The following DEXI variants were observed in gnomAD, a reference collection of about 807,000 sequenced individuals.
DEXI encodes Dexi homolog.
In DEXI, 2 loss-of-function variants were observed where a neutral mutation model predicts 2.5. The observed-to-expected ratio is 0.81, with a 90% CI of 0.33 to 2.55. DEXI has a LOEUF of 2.55. DEXI is among the 30% of genes most tolerant of loss of function. The pLI, the probability that DEXI is intolerant of heterozygous loss-of-function variation, is 0.11. For missense variants in DEXI, 108 were observed against 130.3 expected (o/e 0.83, Z 0.83); for synonymous variants, 71 against 68.7 (o/e 1.03, Z -0.17).
rs190916651 is a variant in DEXI at position 10,929,393 on chromosome 16, C to A, written c.*316G>T. 5.1e-6 allele frequency: 5 copies of A among 985,764 alleles called. No homozygotes were observed. Among genetic ancestry groups the A allele is most frequent in the South Asian group, 9.4e-5 (2 of 21,290 alleles). The allele number at this position is 985,764 out of a possible 1,614,324, so 61.1% of individuals were successfully genotyped here. A position where few individuals can be genotyped will look rare whatever the true frequency, so the allele number is the denominator to read the frequency against. On this transcript the variant is annotated 3_prime_UTR_variant, in exon 2 of 2. Coordinates refer to ENST00000331808, the MANE Select transcript of DEXI (RefSeq NM_014015.4). The surrounding 1 kb of genome is among the most constrained non-coding windows in gnomAD (Gnocchi z 4.3). ...TAATCAGAAGCCAAGGCCAGGCCAT[C>A]GATTTGACACTGCAGGCAGATGAGG...
chr16:10,935,620 G>A (rs1445815012), intron 1 of DEXI: 1 of 152,210 alleles, frequency 6.6e-6, no homozygotes, highest in Non-Finnish European at 1.5e-5. Context: ...ACTTGACAGT[G>A]GAGAGACCTG....
Position 10,941,707 on chromosome 16 carries a change from CA to C in DEXI, c.*10del. 6.3e-7 allele frequency: 1 copy of C among 1,596,624 alleles called. No homozygotes were observed. Among genetic ancestry groups the C allele is most frequent in the Non-Finnish European group, 8.5e-7 (1 of 1,170,488 alleles). On this transcript the variant is annotated 3_prime_UTR_variant, in exon 1 of 2. Coordinates refer to ENST00000331808, the MANE Select transcript of DEXI (RefSeq NM_014015.4). The surrounding 1 kb of genome is among the most constrained non-coding windows in gnomAD (Gnocchi z 6.4). ...GATCGTGTAGGGAAGAGGGGAACAG[CA>C]GTCGAGACCCTACTCCAAGTACGCA...
intron 1 of DEXI, chr16:10,936,973 A>G (rs2041037226): frequency 6.6e-6 from 1 of 152,254 alleles, no homozygotes; most frequent in Non-Finnish European, 1.5e-5. Context: ...TCACTTTCTT[A>G]GTTCGGCAAA....
chr16:10,930,671 T>C (rs1332814966), intron 1 of DEXI: 3 of 152,208 alleles, frequency 2.0e-5, no homozygotes, highest in African/African-American at 7.2e-5. Context: ...GCAGGTACCA[T>C]TTCCTGAGCT....
chr16:10,935,334 C>T (rs1487984910), intron 1 of DEXI: 1 of 152,202 alleles, frequency 6.6e-6, no homozygotes, highest in East Asian at 1.9e-4. Context: ...CAGTTTGGTG[C>T]TGGTATATCT....
Position 10,929,260 on chromosome 16 carries a change from G to A in DEXI, c.*449C>T. The stretch of plus-strand genomic sequence containing the variant: ...TCGCTTTTGCGTGTGTCCGCAGTTT[G>A]AAGTGTCCTCTCCGAAGGTGAAGTG... On this transcript the variant is annotated 3_prime_UTR_variant, in exon 2 of 2. Transcript: ENST00000331808. This position sits in a 1 kb window ranked among gnomAD's most constrained non-coding sequence, Gnocchi z 4.3. The A allele has an allele frequency of 1.0e-6, 1 of 985,722 alleles. No individual in the cohort carries two copies. Among genetic ancestry groups the A allele is most frequent in the African/African-American group, 1.7e-5 (1 of 57,362 alleles). 61.1% of individuals were successfully genotyped at this position (985,722 alleles called of 1,614,324 possible).
In DEXI at chr16:10,934,641, G is replaced by A. The variant is rs1047918825; in HGVS notation, c.*150-5082C>T. The A allele has an allele frequency of 3.3e-5, 5 of 152,226 alleles. No homozygotes were observed. Among genetic ancestry groups the A allele is most frequent in the African/African-American group, 1.2e-4 (5 of 41,450 alleles). 9.4% of individuals were successfully genotyped at this position (152,226 alleles called of 1,614,324 possible). On this transcript the variant is annotated intron_variant, in intron 1 of 1. Transcript: ENST00000331808. The surrounding 1 kb of genome is among the most constrained non-coding windows in gnomAD (Gnocchi z 4.2). ...TCTGCAAGCCTCAGTTTCCTCCCTG[G>A]TCTAATGGAACCCTCCTTGGCGGCT...
In DEXI at chr16:10,929,610, A is replaced by T; in HGVS notation, c.*150-51T>A. ...ATTAGCACGGAAGCCCCACCCTGCC[A>T]CCAGGTTGGCTGGGGACAGGGACCA... is the stretch of plus-strand genomic sequence containing the variant. On this transcript the variant is annotated intron_variant, in intron 1 of 1. Coordinates refer to ENST00000331808, the MANE Select transcript of DEXI (RefSeq NM_014015.4). This position sits in a 1 kb window ranked among gnomAD's most constrained non-coding sequence, Gnocchi z 4.3. The T allele has an allele frequency of 1.5e-5, 15 of 976,584 alleles. No individual in the cohort carries two copies. Among genetic ancestry groups the T allele is most frequent in the Non-Finnish European group, 1.8e-5 (15 of 821,940 alleles). 60.5% of individuals were successfully genotyped at this position (976,584 alleles called of 1,614,324 possible).
chr16:10,937,294 G>C lies in DEXI; in HGVS notation c.*149+4275C>G, dbSNP rs1430876246. On this transcript the variant is annotated intron_variant, in intron 1 of 1. Coordinates refer to ENST00000331808, the MANE Select transcript of DEXI (RefSeq NM_014015.4). This position sits in a 1 kb window ranked among gnomAD's most constrained non-coding sequence, Gnocchi z 4.2. ...CCACAGCTTCCTGGCCTGGTTTCCT[G>C]CATCCGCCCTGACCCCTGGCTGTGG... 1 of 152,364 alleles carries C rather than the reference G, an allele frequency of 6.6e-6. No homozygotes were observed. Among genetic ancestry groups the C allele is most frequent in the Non-Finnish European group, 1.5e-5 (1 of 68,188 alleles). 9.4% of individuals were successfully genotyped at this position (152,364 alleles called of 1,614,324 possible).
chr16:10,929,499 C>T lies in DEXI; in HGVS notation c.*210G>A, dbSNP rs1214001353. 1.0e-6 allele frequency: 1 copy of T among 985,602 alleles called. No homozygotes were observed. The highest frequency in any genetic ancestry group is 1.7e-5 in the African/African-American group (1 of 57,246). The allele number at this position is 985,602 out of a possible 1,614,324, so 61.1% of individuals were successfully genotyped here. On this transcript the variant is annotated 3_prime_UTR_variant, in exon 2 of 2. Transcript: ENST00000331808. The surrounding 1 kb of genome is among the most constrained non-coding windows in gnomAD (Gnocchi z 4.3). ...CAGCACTCAGTCCCAATCTCTCTTC[C>T]ACTCTCCTGGGTTCAAACAGGAACC...
rs1262597409 is a variant in DEXI at position 10,940,168 on chromosome 16, A to G, written c.*149+1401T>C. ...ACCCCACCCTGTACCACCATCTGCA[A>G]CAGACTCAATGTTTGTGTCTCCTCA... On this transcript the variant is annotated intron_variant, in intron 1 of 1. Coordinates refer to ENST00000331808, the MANE Select transcript of DEXI (RefSeq NM_014015.4). This position sits in a 1 kb window ranked among gnomAD's most constrained non-coding sequence, Gnocchi z 4.2. 1 of 152,268 alleles carries G rather than the reference A, an allele frequency of 6.6e-6. No individual in the cohort carries two copies. The highest frequency in any genetic ancestry group is 1.5e-5 in the Non-Finnish European group (1 of 68,064). 9.4% of individuals were successfully genotyped at this position (152,268 alleles called of 1,614,324 possible).
intron 1 of DEXI, chr16:10,935,284 GT>G (rs1371400939): frequency 6.6e-6 from 1 of 152,244 alleles, no homozygotes; most frequent in African/African-American, 2.4e-5. Context: ...TTGCTTTTCA[GT>G]TTTTGGTCAA....
At chr16:10,936,664 C>T (rs181500031) in intron 1 of DEXI, 1 of 152,288 alleles carries the variant, frequency 6.6e-6, no homozygotes, top group East Asian at 1.9e-4. Context: ...ATGAAATAGG[C>T]CTGGCAGAAA....
Position 10,937,517 on chromosome 16 carries a change from C to T in DEXI, c.*149+4052G>A, listed in dbSNP as rs115906305. On this transcript the variant is annotated intron_variant, in intron 1 of 1. Coordinates refer to ENST00000331808, the MANE Select transcript of DEXI (RefSeq NM_014015.4). The surrounding 1 kb of genome is among the most constrained non-coding windows in gnomAD (Gnocchi z 4.2). ...CTAGGAAATCCTGGAATAAGATAGACCAATGCATCGATAACCCTCAGCTCC... is the reference window on the plus strand; with the variant it reads ...CTAGGAAATCCTGGAATAAGATAGATCAATGCATCGATAACCCTCAGCTCC... 89 of 152,352 alleles carry T rather than the reference C, an allele frequency of 5.8e-4. No homozygotes were observed. Among genetic ancestry groups the T allele is most frequent in the African/African-American group, 2.0e-3 (85 of 41,562 alleles). The allele number at this position is 152,352 out of a possible 1,614,324, so 9.4% of individuals were successfully genotyped here.
chr16:10,929,382 G>A lies in DEXI; in HGVS notation c.*327C>T. 1.0e-6 allele frequency: 1 copy of A among 985,846 alleles called. No homozygotes were observed. The highest frequency in any genetic ancestry group is 1.2e-6 in the Non-Finnish European group (1 of 829,908). 61.1% of individuals were successfully genotyped at this position (985,846 alleles called of 1,614,324 possible). A position where few individuals can be genotyped will look rare whatever the true frequency, so the allele number is the denominator to read the frequency against. ...GCAGCTGCAAATAATCAGAAGCCAA[G>A]GCCAGGCCATCGATTTGACACTGCA... On this transcript the variant is annotated 3_prime_UTR_variant, in exon 2 of 2. Coordinates refer to ENST00000331808, the MANE Select transcript of DEXI (RefSeq NM_014015.4). The surrounding 1 kb of genome is among the most constrained non-coding windows in gnomAD (Gnocchi z 4.3).
chr16:10,929,425 G>T lies in DEXI; in HGVS notation c.*284C>A. 1.7e-5 allele frequency: 17 copies of T among 985,870 alleles called. No individual in the cohort carries two copies. The highest frequency in any genetic ancestry group is 2.0e-5 in the Non-Finnish European group (17 of 829,960). 61.1% of individuals were successfully genotyped at this position (985,870 alleles called of 1,614,324 possible). A position where few individuals can be genotyped will look rare whatever the true frequency, so the allele number is the denominator to read the frequency against. On this transcript the variant is annotated 3_prime_UTR_variant, in exon 2 of 2. Transcript: ENST00000331808. This position sits in a 1 kb window ranked among gnomAD's most constrained non-coding sequence, Gnocchi z 4.3. Reference sequence around the variant, plus strand: ...ACACTGCAGGCAGATGAGGTCTTGGGATGCCTCTTGCGTTCCCCCTTCTGT... The same window carrying T: ...ACACTGCAGGCAGATGAGGTCTTGGTATGCCTCTTGCGTTCCCCCTTCTGT...
chr16:10,935,462 T>A (rs543017240), intron 1 of DEXI: 1 of 152,388 alleles, frequency 6.6e-6, no homozygotes, highest in Non-Finnish European at 1.5e-5. Flanking sequence ...CAGTTAGTGT[T>A]TTTATCCATG....
rs1410162591 is a variant in DEXI, at chr16:10,934,693, A to T, written c.*150-5134T>A. The T allele has an allele frequency of 1.3e-5, 2 of 152,142 alleles. No individual in the cohort carries two copies. The highest frequency in any genetic ancestry group is 1.3e-4 in the Admixed American group (2 of 15,262). 9.4% of individuals were successfully genotyped at this position (152,142 alleles called of 1,614,324 possible). A position where few individuals can be genotyped will look rare whatever the true frequency, so the allele number is the denominator to read the frequency against. On this transcript the variant is annotated intron_variant, in intron 1 of 1. Coordinates refer to ENST00000331808, the MANE Select transcript of DEXI (RefSeq NM_014015.4). This position sits in a 1 kb window ranked among gnomAD's most constrained non-coding sequence, Gnocchi z 4.2. The stretch of plus-strand genomic sequence containing the variant: ...CACAGGGTGATGCTTGGGGCAGGTG[A>T]TGGAGATGTGGGAGAGGCAGTTATT...
At position 10,939,725 on chromosome 16, in the gene DEXI, T is replaced by C. The variant is rs1431507638; in HGVS notation, c.*149+1844A>G. The C allele has an allele frequency of 6.6e-6, 1 of 152,258 alleles. No homozygotes were observed. Among genetic ancestry groups the C allele is most frequent in the Non-Finnish European group, 1.5e-5 (1 of 68,046 alleles). The allele number at this position is 152,258 out of a possible 1,614,324, so 9.4% of individuals were successfully genotyped here. A position where few individuals can be genotyped will look rare whatever the true frequency, so the allele number is the denominator to read the frequency against. ...GTCTACACCTACAGAGACCGTCTACTAGAGGCCAGGCACAGTTTTAAGTGT... is the reference window on the plus strand; with the variant it reads ...GTCTACACCTACAGAGACCGTCTACCAGAGGCCAGGCACAGTTTTAAGTGT... On this transcript the variant is annotated intron_variant, in intron 1 of 1. Transcript: ENST00000331808. This position sits in a 1 kb window ranked among gnomAD's most constrained non-coding sequence, Gnocchi z 4.9.
Sources: allele counts gnomAD v4.1 joint callset, GRCh38; gene constraint gnomAD v4.1.1; non-coding constraint Gnocchi (gnomAD v3.1); transcripts MANE v1.5; gene names NCBI Gene and HGNC (gene_info 2026-07-23, HGNC 2026-07-21).